Variants in ADGRL3 observed in about 807,000 individuals in gnomAD.
ADGRL3 encodes the protein calcium-independent alpha-latrotoxin receptor 3.
A neutral mutation model predicts 153.5 loss-of-function variants in ADGRL3; 62 were observed. That is an observed-to-expected ratio of 0.40 (90% CI 0.33 to 0.50). The LOEUF is 0.50. ADGRL3 is among the 20% of genes least tolerant of loss of function. The pLI is 0.47. For synonymous variants in ADGRL3, 710 were observed against 672.5 expected (o/e 1.06, Z -0.86); for missense variants, 1,641 against 1,859.4 (o/e 0.88, Z 2.16).
intron 19 of ADGRL3, among the ~76,000 whole-genome samples, chr4:61,990,356 T>C (rs2099099488): frequency 6.6e-6 from 1 of 151,904 alleles, no homozygotes; most frequent in African/African-American, 2.4e-5. Flanking sequence ...ACAGAAAATA[T>C]AGTGGTTGCT....
chr4:61,544,053 G>A (rs2098702650), intron 4 of ADGRL3, among the ~76,000 whole-genome samples: 1 of 152,190 alleles, frequency 6.6e-6, no homozygotes, highest in Non-Finnish European at 1.5e-5. Flanking sequence ...AACGTGACAA[G>A]CGTTGTACTG....
At chr4:61,485,913 GC>G (rs2098186156) in intron 2 of ADGRL3, among the ~76,000 whole-genome samples, 1 of 26,098 alleles carries the variant, frequency 3.8e-5, no homozygotes. Context: ...GCTATGGAAT[GC>G]TTTTTTTTTT....
chr4:61,555,541 A>G (rs2148883401), intron 4 of ADGRL3, among the ~76,000 whole-genome samples: 1 of 152,306 alleles, frequency 6.6e-6, no homozygotes, highest in East Asian at 1.9e-4. Flanking sequence ...AGATGGGGAT[A>G]AGTAACAGAC....
At chr4:61,802,024 G>A (rs2097503903) in intron 8 of ADGRL3, among the ~76,000 whole-genome samples, 1 of 107,378 alleles carries the variant, frequency 9.3e-6, no homozygotes, top group Non-Finnish European at 1.7e-5. Flanking sequence ...CACTTGAAGA[G>A]CACTGATAAT....
intron 6 of ADGRL3, among the ~76,000 whole-genome samples, chr4:61,692,347 A>G (rs890066684): frequency 2.0e-5 from 3 of 151,734 alleles, no homozygotes; most frequent in South Asian, 4.2e-4. Context: ...TCAACCCCAT[A>G]TAAGGAACCC....
Position 62,076,254 on chromosome 4 carries a change from T to C in ADGRL3, c.*5346T>C, listed in dbSNP as rs1747103872. ...TCTTGATTTCAGCTAAGTTTTGATGTTTCTTTTTCTCTTAATAGTATGTCA... is the reference window on the plus strand; with the variant it reads ...TCTTGATTTCAGCTAAGTTTTGATGCTTCTTTTTCTCTTAATAGTATGTCA... On this transcript the variant is annotated 3_prime_UTR_variant, in exon 27 of 27. Transcript: ENST00000683033. 1 of 152,144 alleles carries C rather than the reference T, an allele frequency of 6.6e-6. No individual in the cohort carries two copies. The highest frequency in any genetic ancestry group is 1.5e-5 in the Non-Finnish European group (1 of 67,984). 9.4% of individuals were successfully genotyped at this position (152,144 alleles called of 1,614,324 possible).
At chr4:61,832,934 C>T (rs896412974) in intron 9 of ADGRL3, among the ~76,000 whole-genome samples, 4 of 151,508 alleles carry the variant, frequency 2.6e-5, no homozygotes, top group Admixed American at 6.6e-5. Flanking sequence ...GCTGGGACTA[C>T]GGGCATGTTT....
Position 61,414,794 on chromosome 4 carries a change from G to C in ADGRL3, c.-174+31605G>C, listed in dbSNP as rs562027615. Among the ~76,000 whole-genome samples, 6 of 151,762 alleles carry C rather than the reference G, an allele frequency of 4.0e-5. No homozygotes were observed. In the East Asian group the frequency reaches 5.8e-4, roughly 15 times the overall value. On this transcript the variant is annotated intron_variant, in intron 2 of 26. Coordinates refer to ENST00000683033, the MANE Select transcript of ADGRL3 (RefSeq NM_001387552.1). ...TTACCAAAGCTTATTCATCTAAAGT[G>C]GTTTTTCATTTAGTGTCTTGTAAAG...
chr4:61,355,726 A>T (rs1275339551), intron 1 of ADGRL3, among the ~76,000 whole-genome samples: 1 of 152,032 alleles, frequency 6.6e-6, no homozygotes, highest in Non-Finnish European at 1.5e-5. Flanking sequence ...TGAACATTTC[A>T]CCTCTTGGTA....
At chr4:61,645,382 G>A (rs9761108) in intron 5 of ADGRL3, among the ~76,000 whole-genome samples, 148,241 of 149,472 alleles carry the variant, frequency 0.99, 73,527 homozygotes, top group Middle Eastern at 1. Flanking sequence ...TCCTAGTCTC[G>A]ATGGTCTTTA....
chr4:62,009,526 A>G (rs1267655775), intron 21 of ADGRL3, among the ~76,000 whole-genome samples: 2 of 152,198 alleles, frequency 1.3e-5, no homozygotes, highest in African/African-American at 4.8e-5. Context: ...TTATATATAG[A>G]GAAAAAAGAG....
intron 2 of ADGRL3, among the ~76,000 whole-genome samples, chr4:61,457,171 T>G (rs1431897325): frequency 6.6e-6 from 1 of 152,052 alleles, no homozygotes; most frequent in African/African-American, 2.4e-5. Context: ...ATTTGAAAAT[T>G]TATAATGCCC....
chr4:62,036,412 T>G (rs1177790477), intron 23 of ADGRL3, among the ~76,000 whole-genome samples: 1 of 152,076 alleles, frequency 6.6e-6, no homozygotes, highest in Non-Finnish European at 1.5e-5. Context: ...TCCTCTTCTA[T>G]GCTTGAGTCA....
intron 9 of ADGRL3, among the ~76,000 whole-genome samples, chr4:61,827,769 G>A (rs1295856528): frequency 3.3e-5 from 5 of 152,144 alleles, no homozygotes; most frequent in Admixed American, 2.6e-4. Context: ...GATAATTTGG[G>A]TGGATTTTGG....
intron 2 of ADGRL3, among the ~76,000 whole-genome samples, chr4:61,442,995 G>A (rs905462750): frequency 2.6e-5 from 4 of 152,016 alleles, no homozygotes; most frequent in Non-Finnish European, 4.4e-5. Context: ...TTAATATAAT[G>A]TATCTTGGAA....
chr4:61,328,628 A>T (rs1057124947), intron 1 of ADGRL3, among the ~76,000 whole-genome samples: 1 of 152,170 alleles, frequency 6.6e-6, no homozygotes. Context: ...ATATTTTATT[A>T]ACGATTAATT....
chr4:61,357,785 G>A (rs6551625), intron 1 of ADGRL3, among the ~76,000 whole-genome samples: 148,617 of 152,166 alleles, frequency 0.98, 72,607 homozygotes, highest in Non-Finnish European at 0.99. Flanking sequence ...AACATAAACT[G>A]AGTATCTGAG....
intron 9 of ADGRL3, among the ~76,000 whole-genome samples, chr4:61,869,119 A>G (rs2098420077): frequency 6.6e-6 from 1 of 151,582 alleles, no homozygotes; most frequent in South Asian, 2.1e-4. Flanking sequence ...ATTTTTTTGT[A>G]CTTTTTATAC....
At chr4:61,786,669 G>T (rs1368645138) in intron 8 of ADGRL3, among the ~76,000 whole-genome samples, 1 of 152,104 alleles carries the variant, frequency 6.6e-6, no homozygotes, top group Non-Finnish European at 1.5e-5. Context: ...GAAAGGATAA[G>T]CAATGTGTTA....
Sources: gnomAD v4.1 joint callset for allele counts (sites outside exome capture counted in the v4.1 genomes callset) on GRCh38, gnomAD v4.1.1 for gene constraint, MANE v1.5 for transcripts, NCBI Gene and HGNC (gene_info 2026-07-23, HGNC 2026-07-21) for gene names.